GALNT15: variants seen among roughly 807,000 people sequenced by gnomAD.
GALNT15 encodes the protein polypeptide N-acetylgalactosaminyltransferase 15, also known as UDP-GalNAc transferase T15.
GALNT15 carries 67 observed loss-of-function variants against 66.8 expected under a neutral mutation model. The observed-to-expected ratio is 1.00, with a 90% CI of 0.82 to 1.23. The LOEUF (loss-of-function observed/expected upper bound fraction) is 1.23, where lower values mean the gene tolerates loss of function less well. Ranked by LOEUF, GALNT15 falls within the 50% of genes most tolerant of loss-of-function variation. GALNT15 has a pLI of 0.00. For missense variants in GALNT15, 827 were observed against 804.3 expected, an observed-to-expected ratio of 1.03 and a Z score of -0.34; for synonymous variants, 313 against 311.5, an observed-to-expected ratio of 1.00 and a Z score of -0.05.
At position 16,189,280 on chromosome 3, in the gene GALNT15, C is replaced by G. The variant is rs1219530432; in HGVS notation, c.540-6480C>G. 6.6e-6 allele frequency among the ~76,000 whole-genome samples: 1 copy of G among 152,182 alleles called. No homozygotes were observed. The highest frequency in any genetic ancestry group is 1.5e-5 in the Non-Finnish European group (1 of 68,022). On this transcript the variant is annotated intron_variant, in intron 1 of 9. Transcript: ENST00000339732. This position sits in a 1 kb window ranked among gnomAD's most constrained non-coding sequence, Gnocchi z 5.1. The stretch of plus-strand genomic sequence containing the variant: ...CTTTGCCTGTAATCCATGAGGTGAA[C>G]AGCACCACCATGTTGCATAACTCCA...
Position 16,175,109 on chromosome 3 carries a change from C to A in GALNT15, c.-43C>A. 2 of 1,567,388 alleles carry A rather than the reference C, an allele frequency of 1.3e-6. No individual in the cohort carries two copies. The highest frequency in any genetic ancestry group is 1.7e-6 in the Non-Finnish European group (2 of 1,150,064). On this transcript the variant is annotated 5_prime_UTR_variant, in exon 1 of 10. Coordinates refer to ENST00000339732, the MANE Select transcript of GALNT15 (RefSeq NM_054110.5). The surrounding 1 kb of genome is among the most constrained non-coding windows in gnomAD (Gnocchi z 5.6). ...TGAAGGAGCCTGGAGCGGGAGAAAG[C>A]TAACTTGAACATGACCTGTTGCATT...
chr3:16,235,582 G>A (rs181098493), downstream of GALNT15, among the ~76,000 whole-genome samples: 1 of 152,166 alleles, frequency 6.6e-6, no homozygotes, highest in Admixed American at 6.5e-5. Flanking sequence ...GATCAAGAAG[G>A]TATCTCTAGT....
Position 16,204,962 on chromosome 3 carries a change from T to TGC in GALNT15, c.912-3534_912-3533dup, listed in dbSNP as rs555684905. On this transcript the variant is annotated intron_variant, in intron 3 of 9. Coordinates refer to ENST00000339732, the MANE Select transcript of GALNT15 (RefSeq NM_054110.5). This position sits in a 1 kb window ranked among gnomAD's most constrained non-coding sequence, Gnocchi z 4.5. ...GCGAGCATGTGCGTGCGTGTGTGTG[T>TGC]GCGCGCGCATGTGCGCGTCAAGGAG... 3.9e-4 allele frequency among the ~76,000 whole-genome samples: 60 copies of TGC among 152,150 alleles called. No homozygotes were observed. The East Asian group carries it at 4.8e-3, about 12-fold the overall frequency.
the GALNT15 span, among the ~76,000 whole-genome samples, chr3:16,240,919 C>A: frequency 6.6e-6 from 1 of 152,196 alleles, no homozygotes; most frequent in Non-Finnish European, 1.5e-5. Context: ...CTCTGAACAC[C>A]AAAGTTTTTG....
chr3:16,189,486 A>G lies in GALNT15; in HGVS notation c.540-6274A>G. 6.6e-6 allele frequency among the ~76,000 whole-genome samples: 1 copy of G among 152,254 alleles called. No individual in the cohort carries two copies. Among genetic ancestry groups the G allele is most frequent in the East Asian group, 1.9e-4 (1 of 5,206 alleles). ...CTCTGCTATGTTGAAGGACATCCTC[A>G]GAGACATGTTCAGACAATACCAGAA... On this transcript the variant is annotated intron_variant, in intron 1 of 9. Transcript: ENST00000339732. The surrounding 1 kb of genome is among the most constrained non-coding windows in gnomAD (Gnocchi z 5.1).
chr3:16,232,649 A>G (rs2064096231), downstream of GALNT15, among the ~76,000 whole-genome samples: 1 of 150,594 alleles, frequency 6.6e-6, no homozygotes, highest in Non-Finnish European at 1.5e-5. Flanking sequence ...ATATAAAAAG[A>G]GCAGAGGCAA....
rs1451769194 is a variant in GALNT15, at chr3:16,211,806, A to G, written c.1197+565A>G. Among the ~76,000 whole-genome samples the G allele has an allele frequency of 2.6e-5, 4 of 152,280 alleles. No individual in the cohort carries two copies. The highest frequency in any genetic ancestry group is 2.1e-4 in the South Asian group (1 of 4,824). On this transcript the variant is annotated intron_variant, in intron 5 of 9. Transcript: ENST00000339732. The surrounding 1 kb of genome is among the most constrained non-coding windows in gnomAD (Gnocchi z 4.3). ...AAAATTCATCATCAAGAGTGCAGAG[A>G]TCTAATGCTGAAAGTGTGAATTACC...
At position 16,191,040 on chromosome 3, in the gene GALNT15, A is replaced by G. The variant is rs529742070; in HGVS notation, c.540-4720A>G. 6.6e-6 allele frequency among the ~76,000 whole-genome samples: 1 copy of G among 152,310 alleles called. No homozygotes were observed. The highest frequency in any genetic ancestry group is 2.1e-4 in the South Asian group (1 of 4,824). On this transcript the variant is annotated intron_variant, in intron 1 of 9. Transcript: ENST00000339732. This position sits in a 1 kb window ranked among gnomAD's most constrained non-coding sequence, Gnocchi z 5.2. ...CCCCATAGCCTTGTAATGGCTTTCA[A>G]GAACCCATTTGGCCTTTCACATCTC...
the GALNT15 span, among the ~76,000 whole-genome samples, chr3:16,243,755 T>C: frequency 6.6e-6 from 1 of 151,928 alleles, no homozygotes; most frequent in African/African-American, 2.4e-5. Flanking sequence ...TGTATCTAGG[T>C]GATTGTGGGA....
intron 1 of GALNT15, among the ~76,000 whole-genome samples, chr3:16,179,003 C>G (rs928979766): frequency 3.3e-5 from 5 of 152,206 alleles, no homozygotes; most frequent in Admixed American, 3.3e-4. Context: ...GGCCACAGGC[C>G]TTTTTCTGAG....
chr3:16,212,648 C>A lies in GALNT15; in HGVS notation c.1277C>A (p.Ser426Tyr), dbSNP rs375198104. The A allele has an allele frequency of 4.3e-6, 7 of 1,613,736 alleles. No homozygotes were observed. Among genetic ancestry groups the A allele is most frequent in the Non-Finnish European group, 5.9e-6 (7 of 1,179,830 alleles). ...GHIYQNQDSH[S>Y]PLDQEATLRN... Reference sequence around the variant, plus strand: ...ATCTACCAAAATCAGGATTCCCATTCCCCCCTCGACCAGGAGGCCACCCTG... The same window carrying A: ...ATCTACCAAAATCAGGATTCCCATTACCCCCTCGACCAGGAGGCCACCCTG... Residue 426 changes from serine to tyrosine, a missense_variant, in exon 6 of 10, where the codon TCC becomes TAC. By Grantham distance (144) the Ser-to-Tyr change is moderately radical. Coordinates refer to ENST00000339732, the MANE Select transcript of GALNT15 (RefSeq NM_054110.5).
chr3:16,192,690 G>T (rs1283929902), intron 1 of GALNT15, among the ~76,000 whole-genome samples: 11 of 152,312 alleles, frequency 7.2e-5, no homozygotes, highest in African/African-American at 2.2e-4. Flanking sequence ...AATGAAGGGG[G>T]TGAAAGACCT....
the GALNT15 span, among the ~76,000 whole-genome samples, chr3:16,241,288 C>T: frequency 5.3e-5 from 8 of 152,112 alleles, no homozygotes; most frequent in Non-Finnish European, 1.0e-4. The surrounding 1 kb of genome is among the most constrained non-coding windows in gnomAD (Gnocchi z 4.6). Context: ...TCAACTAAAG[C>T]GATCACAGCA....
At chr3:16,190,960 G>A (rs1460273800) in intron 1 of GALNT15, among the ~76,000 whole-genome samples, 2 of 152,240 alleles carry the variant, frequency 1.3e-5, no homozygotes, top group African/African-American at 4.8e-5. Context: ...GAGAGGAGAA[G>A]GATTCTTTCT....
At position 16,195,812 on chromosome 3, in the gene GALNT15, T is replaced by G. The variant is rs1559680534; in HGVS notation, c.592T>G (p.Cys198Gly). ...CCTGCCCACAGCCAGCGTCATCCTC[T>G]GTTTCCATGATGAGGCCTGGTCCAC... is the stretch of plus-strand genomic sequence containing the variant. ...DSLPTASVIL[C>G]FHDEAWSTLL... Residue 198 changes from cysteine to glycine, a missense_variant, in exon 2 of 10, where the codon TGT (cysteine) becomes GGT (glycine). Coordinates refer to ENST00000339732, the MANE Select transcript of GALNT15 (RefSeq NM_054110.5). This position sits in a 1 kb window ranked among gnomAD's most constrained non-coding sequence, Gnocchi z 4.6. 8.7e-6 allele frequency: 14 copies of G among 1,614,014 alleles called. No individual in the cohort carries two copies. Among genetic ancestry groups the G allele is most frequent in the Non-Finnish European group, 1.2e-5 (14 of 1,179,916 alleles).
Position 16,212,739 on chromosome 3 carries a change from C to T in GALNT15, c.1368C>T (p.Ser456=), listed in dbSNP as rs2063830811. ...GSFKETFYKH[S]PEAFSLSKAE... is the part of the protein sequence containing the mutation. ...TCAAAGAAACCTTCTACAAGCATAG[C>T]CCAGAGGCCTTCTCCTTGAGCAAGG... Residue 456 remains serine, a synonymous_variant, in exon 6 of 10, where the codon AGC becomes AGT. Transcript: ENST00000339732. 1 of 1,613,514 alleles carries T rather than the reference C, an allele frequency of 6.2e-7. No individual in the cohort carries two copies. Among genetic ancestry groups the T allele is most frequent in the Non-Finnish European group, 8.5e-7 (1 of 1,179,978 alleles).
rs1171148966 is a variant in GALNT15 at position 16,198,349 on chromosome 3, C to CG, written c.707-2268dup. On this transcript the variant is annotated intron_variant, in intron 2 of 9. Coordinates refer to ENST00000339732, the MANE Select transcript of GALNT15 (RefSeq NM_054110.5). The stretch of plus-strand genomic sequence containing the variant: ...AGAGGCCAGTCCGGTTTGTGCTCTT[C>CG]GGAAAAAAAAAATTAGTAAAATAAT... Among the ~76,000 whole-genome samples, 2 of 122,484 alleles carry CG rather than the reference C, an allele frequency of 1.6e-5. 1 individual carries two copies. Among genetic ancestry groups the CG allele is most frequent in the Non-Finnish European group, 3.4e-5 (2 of 58,938 alleles). The allele number at this position is 122,484 out of a possible 152,430, so 80.4% of individuals were successfully genotyped here. A position where few individuals can be genotyped will look rare whatever the true frequency, so the allele number is the denominator to read the frequency against.
chr3:16,230,811 T>C (rs547885190), downstream of GALNT15, among the ~76,000 whole-genome samples: 105 of 152,326 alleles, frequency 6.9e-4, no homozygotes, highest in African/African-American at 2.3e-3. This position sits in a 1 kb window ranked among gnomAD's most constrained non-coding sequence, Gnocchi z 4.5. Context: ...ATACCTTGAT[T>C]TGGGCATATT....
chr3:16,233,295 A>G (rs9854647), downstream of GALNT15, among the ~76,000 whole-genome samples: 325 of 151,598 alleles, frequency 2.1e-3, 2 homozygotes, highest in African/African-American at 7.3e-3. Flanking sequence ...GGGTTTCACC[A>G]TGTTGGCCAG....
Sources: allele counts gnomAD v4.1 joint callset (sites outside exome capture counted in the v4.1 genomes callset), GRCh38; gene constraint gnomAD v4.1.1; non-coding constraint Gnocchi (gnomAD v3.1); transcripts MANE v1.5; gene names NCBI Gene and HGNC (gene_info 2026-07-23, HGNC 2026-07-21).